PCBP3: variants seen among roughly 807,000 people sequenced by gnomAD.
PCBP3 encodes the protein poly(rC)-binding protein 3.
Under a neutral mutation model 52.7 loss-of-function variants are expected in PCBP3, and 25 were observed. The observed-to-expected ratio is 0.47, with a 90% CI of 0.35 to 0.66. The LOEUF (loss-of-function observed/expected upper bound fraction) is 0.66, where lower values mean the gene tolerates loss of function less well. Ranked by LOEUF, PCBP3 falls within the 30% of genes least tolerant of loss-of-function variation. PCBP3 has a pLI of 0.01. For synonymous variants in PCBP3, 162 were observed against 183.0 expected, an observed-to-expected ratio of 0.89 and a Z score of 0.93; for missense variants, 391 against 490.3, an observed-to-expected ratio of 0.80 and a Z score of 1.91.
At chr21:45,669,701 T>G (rs2081023286) in intron 2 of PCBP3, among the ~76,000 whole-genome samples, 1 of 151,224 alleles carries the variant, frequency 6.6e-6, no homozygotes, top group African/African-American at 2.4e-5. Flanking sequence ...ACTGGCTTAT[T>G]TAATGTAGCG....
At position 45,841,472 on chromosome 21, in the gene PCBP3, GC is replaced by G. The variant is rs2093698766; in HGVS notation, c.-125-8487del. On this transcript the variant is annotated intron_variant, in intron 4 of 17. Coordinates refer to ENST00000681687, the MANE Select transcript of PCBP3 (RefSeq NM_001384156.1). ...TAGTAAAATGTCTTCCTGTTTTCTT[GC>G]CATTCCACTTCTGAGATGTTCTAAT... is the stretch of plus-strand genomic sequence containing the variant. 3.3e-5 allele frequency among the ~76,000 whole-genome samples: 5 copies of G among 150,328 alleles called. No homozygotes were observed. In the South Asian group the frequency reaches 1.0e-3, roughly 32 times the overall value.
intron 1 of PCBP3, among the ~76,000 whole-genome samples, chr21:45,662,263 A>G (rs1440883068): frequency 1.4e-5 from 2 of 140,318 alleles, no homozygotes; most frequent in Non-Finnish European, 3.0e-5. Context: ...ATGTGCCAAT[A>G]TACCTAAGTT....
chr21:45,679,352 C>T (rs1056429934), intron 2 of PCBP3, among the ~76,000 whole-genome samples: 1 of 152,128 alleles, frequency 6.6e-6, no homozygotes, highest in Non-Finnish European at 1.5e-5. Flanking sequence ...AACTTCTGAC[C>T]TCAAGTGGTC....
intron 2 of PCBP3, among the ~76,000 whole-genome samples, chr21:45,700,589 C>T (rs1195003863): frequency 2.6e-5 from 4 of 152,208 alleles, no homozygotes; most frequent in African/African-American, 2.4e-5. Flanking sequence ...ACCACCTCTC[C>T]GGTGCTAACA....
intron 2 of PCBP3, among the ~76,000 whole-genome samples, chr21:45,697,020 T>C (rs1168579853): frequency 1.3e-5 from 2 of 152,152 alleles, no homozygotes; most frequent in Non-Finnish European, 2.9e-5. Context: ...ACAACTGAAT[T>C]CTTATATGCT....
intron 2 of PCBP3, among the ~76,000 whole-genome samples, chr21:45,718,848 G>A (rs1008290034): frequency 4.6e-5 from 7 of 152,196 alleles, no homozygotes; most frequent in African/African-American, 1.7e-4. Flanking sequence ...GAATGTGATT[G>A]CCACAGGATA....
chr21:45,899,727 C>A, intron 7 of PCBP3, 105 bp downstream of exon 7: 1 of 803,548 alleles, frequency 1.2e-6, no homozygotes, highest in Non-Finnish European at 2.1e-6. Context: ...TGCGCCTTTC[C>A]CAGTTGGTGG....
intron 4 of PCBP3, among the ~76,000 whole-genome samples, chr21:45,784,449 C>T (rs1392905243): frequency 6.6e-6 from 1 of 151,488 alleles, no homozygotes; most frequent in Non-Finnish European, 1.5e-5. Flanking sequence ...CCTCCTACCT[C>T]CTACCTCCTA....
chr21:45,801,909 C>A (rs2092318888), intron 4 of PCBP3, among the ~76,000 whole-genome samples: 1 of 152,224 alleles, frequency 6.6e-6, no homozygotes, highest in South Asian at 2.1e-4. Flanking sequence ...TAATCAGATT[C>A]TGCAGGTTAA....
intron 16 of PCBP3, among the ~76,000 whole-genome samples, chr21:45,938,450 C>T (rs545485672): frequency 1.4e-4 from 21 of 152,232 alleles, no homozygotes; most frequent in Non-Finnish European, 2.5e-4. Context: ...TCCCTGGCCC[C>T]CATCAGAGAT....
chr21:45,712,553 A>G (rs533027099), intron 2 of PCBP3, among the ~76,000 whole-genome samples: 2 of 152,122 alleles, frequency 1.3e-5, no homozygotes, highest in African/African-American at 4.8e-5. Context: ...TTTCAAGTAA[A>G]TTTTTACTTT....
At position 45,744,550 on chromosome 21, in the gene PCBP3, C is replaced by T. The variant is rs569778790; in HGVS notation, c.-162+9121C>T. 5.3e-5 allele frequency among the ~76,000 whole-genome samples: 8 copies of T among 152,294 alleles called. No individual in the cohort carries two copies. In the South Asian group the frequency reaches 1.7e-3, roughly 32 times the overall value. On this transcript the variant is annotated intron_variant, in intron 3 of 17. Coordinates refer to ENST00000681687, the MANE Select transcript of PCBP3 (RefSeq NM_001384156.1). ...GTGTTCCCTTTATTTCTAGTACTTA[C>T]TTCAGCATTTTAGTCACATTTGTCT...
chr21:45,814,770 AGTG>A (rs1204283257), intron 4 of PCBP3, among the ~76,000 whole-genome samples: 3 of 113,312 alleles, frequency 2.6e-5, no homozygotes, highest in Non-Finnish European at 3.6e-5. Context: ...GTGAGTGGTG[AGTG>A]GTGAGTGATG....
chr21:45,719,563 A>G (rs1388409038), intron 2 of PCBP3, among the ~76,000 whole-genome samples: 2 of 152,026 alleles, frequency 1.3e-5, no homozygotes, highest in Non-Finnish European at 2.9e-5. Flanking sequence ...GATTTTCCCC[A>G]TGCTGTTCTC....
intron 1 of PCBP3, among the ~76,000 whole-genome samples, chr21:45,654,130 A>T (rs1243178695): frequency 6.6e-6 from 1 of 152,126 alleles, no homozygotes; most frequent in African/African-American, 2.4e-5. Flanking sequence ...TATTGGTATT[A>T]ATAGTATTAT....
At position 45,917,181 on chromosome 21, in the gene PCBP3, T is replaced by C. The variant is rs548648059; in HGVS notation, c.676-407T>C. 183 of 176,760 alleles carry C rather than the reference T, an allele frequency of 1.0e-3. No homozygotes were observed. The highest frequency in any genetic ancestry group is 4.1e-3 in the African/African-American group (173 of 42,398). The allele number at this position is 176,760 out of a possible 1,614,324, so 10.9% of individuals were successfully genotyped here. On this transcript the variant is annotated intron_variant, in intron 12 of 17. Coordinates refer to ENST00000681687, the MANE Select transcript of PCBP3 (RefSeq NM_001384156.1). The surrounding 1 kb of genome is among the most constrained non-coding windows in gnomAD (Gnocchi z 5.3). ...GTCACCTTTTAGAGCTTTCTTTTGT[T>C]GTTTGGACTTCTTGGGGTAAATTAT... is the stretch of plus-strand genomic sequence containing the variant.
chr21:45,835,254 T>G (rs919041128), intron 4 of PCBP3, among the ~76,000 whole-genome samples: 5 of 152,010 alleles, frequency 3.3e-5, no homozygotes, highest in Non-Finnish European at 7.4e-5. Flanking sequence ...GTGGGGCCTG[T>G]TTAAACTTCA....
rs909654495 is a variant in PCBP3, at chr21:45,829,980, C to A, written c.-125-19981C>A. Reference sequence around the variant, plus strand: ...GAGACCAGCTTCTGCTGCCCTGCTGCGATCGCTGTGGTCTCCACCTTAGTT... The same window carrying A: ...GAGACCAGCTTCTGCTGCCCTGCTGAGATCGCTGTGGTCTCCACCTTAGTT... On this transcript the variant is annotated intron_variant, in intron 4 of 17. Coordinates refer to ENST00000681687, the MANE Select transcript of PCBP3 (RefSeq NM_001384156.1). The surrounding 1 kb of genome is among the most constrained non-coding windows in gnomAD (Gnocchi z 5.2). 1 of 152,746 alleles carries A rather than the reference C, an allele frequency of 6.5e-6. No individual in the cohort carries two copies. Among genetic ancestry groups the A allele is most frequent in the Non-Finnish European group, 1.5e-5 (1 of 68,098 alleles). 9.5% of individuals were successfully genotyped at this position (152,746 alleles called of 1,614,324 possible).
chr21:45,724,495 G>C lies in PCBP3; in HGVS notation c.-199-10897G>C, dbSNP rs2084886884. 6.6e-6 allele frequency among the ~76,000 whole-genome samples: 1 copy of C among 152,182 alleles called. No homozygotes were observed. On this transcript the variant is annotated intron_variant, in intron 2 of 17. Transcript: ENST00000681687. This position sits in a 1 kb window ranked among gnomAD's most constrained non-coding sequence, Gnocchi z 5.3. The stretch of plus-strand genomic sequence containing the variant: ...GCATGTTGGAAGGAGTCCCAGCCCT[G>C]CCCCTGCCAAGCGAGGTGGGGACAG...
Sources: allele counts gnomAD v4.1 joint callset (sites outside exome capture counted in the v4.1 genomes callset), GRCh38; gene constraint gnomAD v4.1.1; non-coding constraint Gnocchi (gnomAD v3.1); transcripts MANE v1.5; gene names NCBI Gene and HGNC (gene_info 2026-07-23, HGNC 2026-07-21).